The following CACNA2D4 variants were observed in gnomAD, a reference collection of about 807,000 sequenced individuals.
CACNA2D4 encodes the protein voltage-dependent calcium channel subunit alpha-2/delta-4.
In CACNA2D4, 157 loss-of-function variants were observed where a neutral mutation model predicts 163.8. The observed-to-expected ratio is 0.96, with a 90% confidence interval of 0.84 to 1.09. The LOEUF is 1.09. CACNA2D4 is among the 50% of genes least tolerant of loss of function. The probability of loss-of-function intolerance (pLI) is 0.00; values close to 1 mark genes in which losing one functional copy is unlikely to be tolerated. For missense variants in CACNA2D4, 1,410 were observed against 1,479.9 expected, an observed-to-expected ratio of 0.95 and a Z score of 0.78; for synonymous variants, 598 against 586.9, an observed-to-expected ratio of 1.02 and a Z score of -0.27.
chr12:1,915,300 G>A, intron 1 of CACNA2D4: 3 of 701,970 alleles, frequency 4.3e-6, no homozygotes, highest in South Asian at 1.5e-5. Flanking sequence ...GTCCTCGGCA[G>A]GTTCTCCTGC....
rs189545537 is a variant in CACNA2D4, at chr12:1,820,015, G to T, written c.2552-8292C>A. Among the ~76,000 whole-genome samples, 141 of 152,210 alleles carry T rather than the reference G, an allele frequency of 9.3e-4. No homozygotes were observed. The highest frequency in any genetic ancestry group is 3.2e-3 in the African/African-American group (132 of 41,450). ...TTCCTGTAGGGTCATCTGGCACATG[G>T]ACATGCCTGTGTACCCTTCTTTCGT... On this transcript the variant is annotated intron_variant, in intron 26 of 37. Transcript: ENST00000382722. This position sits in a 1 kb window ranked among gnomAD's most constrained non-coding sequence, Gnocchi z 6.0.
In CACNA2D4 at chr12:1,860,182, C is replaced by T. The variant is rs1407912883; in HGVS notation, c.1903G>A (p.Asp635Asn). ...KGKRVLFLTNDYFFTDISDTP... is the reference protein window; with the variant it reads ...KGKRVLFLTNNYFFTDISDTP... ...TCGCTGATGTCCGTGAAGAAGTAGT[C>T]ATTGGTCAGGAAAAGAACTCGCTTC... Residue 635 changes from aspartate (D) to asparagine (N), a missense_variant, in exon 19 of 38, where the codon GAC becomes AAC. Coordinates refer to ENST00000382722, the MANE Select transcript of CACNA2D4 (RefSeq NM_172364.5). The T allele has an allele frequency of 6.2e-7, 1 of 1,613,726 alleles. No homozygotes were observed. Among genetic ancestry groups the T allele is most frequent in the African/African-American group, 1.3e-5 (1 of 74,934 alleles).
rs1865097499 is a variant in CACNA2D4, at chr12:1,844,430, G to C, written c.2442C>G (p.Val814=). The change falls in exon 25 of 38, where the codon GTC becomes GTG. Residue 814 remains valine (V), a synonymous_variant. Transcript: ENST00000382722. This position sits in a 1 kb window ranked among gnomAD's most constrained non-coding sequence, Gnocchi z 4.2. The part of the protein sequence containing the change: ...QASEHPAGSF[V]FNLRWAEGPE... ...GTCCTTCTGCCCAGCGGAGGTTGAA[G>C]ACGAAGCTGCCAGCAGGATGCTCTG... 1 of 1,613,598 alleles carries C rather than the reference G, an allele frequency of 6.2e-7. No homozygotes were observed. Among genetic ancestry groups the C allele is most frequent in the Non-Finnish European group, 8.5e-7 (1 of 1,179,816 alleles).
At position 1,875,275 on chromosome 12, in the gene CACNA2D4, C is replaced by T; in HGVS notation, c.1782G>A (p.Val594=). The change falls in exon 17 of 38, where the codon GTG becomes GTA. Residue 594 remains valine, a synonymous_variant. Transcript: ENST00000382722. The surrounding 1 kb of genome is among the most constrained non-coding windows in gnomAD (Gnocchi z 4.0). The part of the protein sequence containing the change: ...PNYNSVDLSE[V]EWEDQAESLR... Reference sequence around the variant, plus strand: ...CAGATTCAGCCTGGTCTTCCCACTCCACTTCGGAGAGATCCACACTGTTGT... The same window carrying T: ...CAGATTCAGCCTGGTCTTCCCACTCTACTTCGGAGAGATCCACACTGTTGT... 1 of 1,604,316 alleles carries T rather than the reference C, an allele frequency of 6.2e-7. No individual in the cohort carries two copies. The highest frequency in any genetic ancestry group is 8.5e-7 in the Non-Finnish European group (1 of 1,175,108).
At chr12:1,847,555 C>T (rs1305823283) in intron 23 of CACNA2D4, among the ~76,000 whole-genome samples, 1 of 152,172 alleles carries the variant, frequency 6.6e-6, no homozygotes, top group Non-Finnish European at 1.5e-5. Flanking sequence ...AGCCAGGGGG[C>T]TTGTACAGGG....
chr12:1,896,297 A>G (rs950604096), intron 6 of CACNA2D4, among the ~76,000 whole-genome samples: 1 of 152,198 alleles, frequency 6.6e-6, no homozygotes, highest in Non-Finnish European at 1.5e-5. Flanking sequence ...ATGAGGAGAC[A>G]GCCTGTTGAA....
At chr12:1,818,816 T>G (rs978082458) in intron 26 of CACNA2D4, among the ~76,000 whole-genome samples, 1 of 124,846 alleles carries the variant, frequency 8.0e-6, no homozygotes, top group Non-Finnish European at 1.6e-5. Context: ...TCATCACCAC[T>G]CCCTAATCTC....
At chr12:1,817,374 T>G (rs1443524581) in intron 26 of CACNA2D4, among the ~76,000 whole-genome samples, 4 of 152,042 alleles carry the variant, frequency 2.6e-5, no homozygotes, top group Non-Finnish European at 5.9e-5. Flanking sequence ...CCTCACTCAG[T>G]TGACACGAAG....
At chr12:1,911,849 C>T (rs2154452554) in intron 3 of CACNA2D4, among the ~76,000 whole-genome samples, 1 of 152,320 alleles carries the variant, frequency 6.6e-6, no homozygotes, top group Non-Finnish European at 1.5e-5. Context: ...ACACAACGCT[C>T]ACTGATTGAA....
intron 13 of CACNA2D4, among the ~76,000 whole-genome samples, chr12:1,881,212 A>G (rs1865988375): frequency 6.6e-6 from 1 of 152,210 alleles, no homozygotes; most frequent in Non-Finnish European, 1.5e-5. Flanking sequence ...AAAAGTGAAG[A>G]TCAAACTGTG....
chr12:1,828,451 C>T lies in CACNA2D4; in HGVS notation c.2551+12288G>A, dbSNP rs975303337. Among the ~76,000 whole-genome samples the T allele has an allele frequency of 6.6e-6, 1 of 152,204 alleles. No individual in the cohort carries two copies. Among genetic ancestry groups the T allele is most frequent in the African/African-American group, 2.4e-5 (1 of 41,466 alleles). On this transcript the variant is annotated intron_variant, in intron 26 of 37. Coordinates refer to ENST00000382722, the MANE Select transcript of CACNA2D4 (RefSeq NM_172364.5). The surrounding 1 kb of genome is among the most constrained non-coding windows in gnomAD (Gnocchi z 4.2). ...GAGTGGTTAGACCTGGAGCTGGAGG[C>T]CACGACAGTTGTTCTACCTCCCCCA...
intron 18 of CACNA2D4, among the ~76,000 whole-genome samples, chr12:1,861,169 T>A (rs1450100905): frequency 6.6e-6 from 1 of 152,196 alleles, no homozygotes; most frequent in Non-Finnish European, 1.5e-5. Flanking sequence ...GAGCGAGGTG[T>A]CAGAAGGGAC....
At chr12:1,864,204 G>A (rs1865590288) in intron 18 of CACNA2D4, among the ~76,000 whole-genome samples, 1 of 152,214 alleles carries the variant, frequency 6.6e-6, no homozygotes, top group Non-Finnish European at 1.5e-5. Context: ...TCCTAAGCGT[G>A]AAGGCCGGAG....
At chr12:1,884,743 C>T in intron 11 of CACNA2D4, 25 bp downstream of exon 11, 1 of 1,523,388 alleles carries the variant, frequency 6.6e-7, no homozygotes, top group Non-Finnish European at 9.1e-7. Flanking sequence ...GCTTTTTTCT[C>T]CCTGGACACC....
intron 26 of CACNA2D4, among the ~76,000 whole-genome samples, chr12:1,816,515 C>T (rs115758783): frequency 0.01 from 1,541 of 152,314 alleles, 26 homozygotes; most frequent in African/African-American, 0.035. Flanking sequence ...TGGGCTGTCC[C>T]TTGCCTTCCC....
At position 1,844,558 on chromosome 12, in the gene CACNA2D4, C is replaced by T; in HGVS notation, c.2343-29G>A. ...CAAGGAGGAAGATGTGGTACCTCTC[C>T]CCAGATCTGTGAACACAGTCATCAC... On this transcript the variant is annotated intron_variant, in intron 24 of 37. Coordinates refer to ENST00000382722, the MANE Select transcript of CACNA2D4 (RefSeq NM_172364.5). This position sits in a 1 kb window ranked among gnomAD's most constrained non-coding sequence, Gnocchi z 4.2. 6.2e-7 allele frequency: 1 copy of T among 1,604,304 alleles called. No homozygotes were observed. Among genetic ancestry groups the T allele is most frequent in the East Asian group, 2.2e-5 (1 of 44,668 alleles).
At chr12:1,818,547 T>C (rs976053798) in intron 26 of CACNA2D4, among the ~76,000 whole-genome samples, 8 of 151,590 alleles carry the variant, frequency 5.3e-5, no homozygotes, top group Non-Finnish European at 1.2e-4. Flanking sequence ...CAAGATGTGC[T>C]TTGTTAAACA....
At chr12:1,893,630 T>C (rs1264814637) in intron 6 of CACNA2D4, among the ~76,000 whole-genome samples, 1 of 151,992 alleles carries the variant, frequency 6.6e-6, no homozygotes, top group Non-Finnish European at 1.5e-5. Context: ...TTCAAATACA[T>C]GAAAATTAAG....
Position 1,907,906 on chromosome 12 carries a change from G to A in CACNA2D4, c.618C>T (p.Ser206=), listed in dbSNP as rs777042320. 3 of 1,614,070 alleles carry A rather than the reference G, an allele frequency of 1.9e-6. No individual in the cohort carries two copies. Among genetic ancestry groups the A allele is most frequent in the Non-Finnish European group, 2.5e-6 (3 of 1,179,896 alleles). ...SNLPVNTSIS[S]VQLPTNVYNK... ...TGTACACGTTGGTGGGCAGCTGCAC[G>A]CTGCTGATGGAGGTGTTCACCGGCA... The change falls in exon 5 of 38, where the codon AGC becomes AGT. Residue 206 remains serine (S), a synonymous_variant. Coordinates refer to ENST00000382722, the MANE Select transcript of CACNA2D4 (RefSeq NM_172364.5).
Sources: allele counts gnomAD v4.1 joint callset (sites outside exome capture counted in the v4.1 genomes callset), GRCh38; gene constraint gnomAD v4.1.1; non-coding constraint Gnocchi (gnomAD v3.1); transcripts MANE v1.5; gene names NCBI Gene and HGNC (gene_info 2026-07-23, HGNC 2026-07-21).